ENAH: variants seen among roughly 807,000 people sequenced by gnomAD.
ENAH encodes ENAH actin regulator, also known as protein enabled homolog.
ENAH carries 23 observed loss-of-function variants against 78.7 expected under a neutral mutation model. The ratio of observed to expected loss-of-function variants is 0.29; its 90% CI spans 0.21 to 0.41. ENAH has a LOEUF of 0.41. ENAH is among the 10% of genes least tolerant of loss of function. The pLI is 1.00. For synonymous variants in ENAH, 226 were observed against 241.0 expected, an observed-to-expected ratio of 0.94 and a Z score of 0.58; for missense variants, 544 against 691.0, an observed-to-expected ratio of 0.79 and a Z score of 2.39.
intron 1 of ENAH, among the ~76,000 whole-genome samples, chr1:225,615,539 G>GCCAC (rs2097023069): frequency 6.6e-6 from 1 of 150,828 alleles, no homozygotes; most frequent in African/African-American, 2.4e-5. Flanking sequence ...CTTCCCGGCC[G>GCCAC]CCCAGTCTGG....
At chr1:225,586,241 C>CAAAA (rs34817622) in intron 1 of ENAH, among the ~76,000 whole-genome samples, 2 of 100,600 alleles carry the variant, frequency 2.0e-5, no homozygotes, top group South Asian at 8.7e-4. Context: ...GAGACAAGCT[C>CAAAA]AAAAAAAAAA....
In ENAH at chr1:225,551,032, A is replaced by G. The variant is rs17502040; in HGVS notation, c.349+3874T>C. Among the ~76,000 whole-genome samples the G allele has an allele frequency of 8.4e-3, 1,278 of 152,322 alleles. 11 individuals carry two copies. The highest frequency in any genetic ancestry group is 0.011 in the Non-Finnish European group (719 of 68,016). ...CCATAACTATTACCTATAAAAATCT[A>G]TAAATGTACTGGATAAATAATAGAG... On this transcript the variant is annotated intron_variant, in intron 3 of 13. Coordinates refer to ENST00000366843, the MANE Select transcript of ENAH (RefSeq NM_018212.6).
chr1:225,548,847 ATT>A (rs11392563), intron 3 of ENAH, among the ~76,000 whole-genome samples: 12 of 139,330 alleles, frequency 8.6e-5, no homozygotes, highest in Non-Finnish European at 7.7e-5. Context: ...TAGTGAACAG[ATT>A]TTTTTTTTTT....
rs1025672414 is a variant in ENAH at position 225,579,417 on chromosome 1, C to T, written c.6-12003G>A. ...CTGAAGATACAATGTTAACCTATAA[C>T]AAAAACATGTCTAGAATATCAGATT... is the stretch of plus-strand genomic sequence containing the variant. On this transcript the variant is annotated intron_variant, in intron 1 of 13. Coordinates refer to ENST00000366843, the MANE Select transcript of ENAH (RefSeq NM_018212.6). Among the ~76,000 whole-genome samples the T allele has an allele frequency of 3.9e-5, 6 of 152,234 alleles. No individual in the cohort carries two copies. The South Asian group carries it at 1.0e-3, about 26-fold the overall frequency.
At chr1:225,609,038 A>G (rs1303386421) in intron 1 of ENAH, among the ~76,000 whole-genome samples, 1 of 152,108 alleles carries the variant, frequency 6.6e-6, no homozygotes, top group Non-Finnish European at 1.5e-5. Flanking sequence ...TTTGCTTCCC[A>G]TGCTTTATTT....
intron 3 of ENAH, among the ~76,000 whole-genome samples, chr1:225,543,965 G>A (rs1447820953): frequency 1.3e-5 from 2 of 152,100 alleles, no homozygotes; most frequent in Non-Finnish European, 2.9e-5. Context: ...GCACATGGGC[G>A]ACCTGACAGG....
At chr1:225,584,031 T>C (rs1171373944) in intron 1 of ENAH, among the ~76,000 whole-genome samples, 3 of 151,718 alleles carry the variant, frequency 2.0e-5, no homozygotes, top group Non-Finnish European at 2.9e-5. Flanking sequence ...TGCACACCTG[T>C]AATCCCAGCT....
At chr1:225,509,289 T>C (rs1424851551) in intron 10 of ENAH, among the ~76,000 whole-genome samples, 2 of 151,862 alleles carry the variant, frequency 1.3e-5, no homozygotes, top group East Asian at 3.9e-4. Flanking sequence ...AAGGGAACGG[T>C]CATCGGACAC....
chr1:225,580,690 G>C (rs974973334), intron 1 of ENAH, among the ~76,000 whole-genome samples: 1 of 151,910 alleles, frequency 6.6e-6, no homozygotes, highest in Non-Finnish European at 1.5e-5. Context: ...GGCCAAGGTG[G>C]GTGGATCATT....
intron 4 of ENAH, among the ~76,000 whole-genome samples, chr1:225,530,322 C>T (rs1291254874): frequency 1.3e-5 from 2 of 151,846 alleles, no homozygotes. Flanking sequence ...TTAAACATAC[C>T]TTAAGTATAA....
chr1:225,534,517 A>C lies in ENAH; in HGVS notation c.350-3879T>G, dbSNP rs1009839658. 4.6e-5 allele frequency among the ~76,000 whole-genome samples: 7 copies of C among 152,256 alleles called. No homozygotes were observed. In the East Asian group the frequency reaches 7.7e-4, roughly 17 times the overall value. ...TAATTCTCTTCATAGGTAAAAAAAA[A>C]CAGTATCATTAGTATTGAGGAGTCA... On this transcript the variant is annotated intron_variant, in intron 3 of 13. Coordinates refer to ENST00000366843, the MANE Select transcript of ENAH (RefSeq NM_018212.6).
chr1:225,537,552 C>T (rs371313064), intron 3 of ENAH, among the ~76,000 whole-genome samples: 1 of 152,158 alleles, frequency 6.6e-6, no homozygotes, highest in Admixed American at 6.5e-5. Flanking sequence ...ACTCTTTCTT[C>T]ATTCAGTCAG....
chr1:225,506,463 C>T (rs964368364), intron 11 of ENAH, among the ~76,000 whole-genome samples: 2 of 152,330 alleles, frequency 1.3e-5, no homozygotes, highest in East Asian at 3.9e-4. Context: ...GCTGGGATTA[C>T]AGGCATGAGC....
At chr1:225,629,392 C>G (rs1658574420) in intron 1 of ENAH, among the ~76,000 whole-genome samples, 1 of 152,092 alleles carries the variant, frequency 6.6e-6, no homozygotes, top group South Asian at 2.1e-4. Context: ...TCGTGACCAG[C>G]CTGGCCAACA....
At chr1:225,598,783 G>A (rs2096915441) in intron 1 of ENAH, among the ~76,000 whole-genome samples, 1 of 151,832 alleles carries the variant, frequency 6.6e-6, no homozygotes, top group Non-Finnish European at 1.5e-5. Context: ...ATAGAAGAAT[G>A]GCAGCTAACA....
At chr1:225,631,043 T>G (rs940483910) in intron 1 of ENAH, among the ~76,000 whole-genome samples, 2 of 152,196 alleles carry the variant, frequency 1.3e-5, no homozygotes, top group African/African-American at 4.8e-5. Flanking sequence ...CAACAAAATT[T>G]TTTAAATGCT....
chr1:225,652,598 G>T (rs888314821), intron 1 of ENAH, 88 bp downstream of exon 1: 5 of 1,201,294 alleles, frequency 4.2e-6, no homozygotes, highest in Non-Finnish European at 4.2e-6. Flanking sequence ...GCCGGGCCGG[G>T]AGAGGGAAGG....
At chr1:225,633,633 A>G (rs1403304059) in intron 1 of ENAH, among the ~76,000 whole-genome samples, 1 of 152,222 alleles carries the variant, frequency 6.6e-6, no homozygotes, top group African/African-American at 2.4e-5. Flanking sequence ...GGTTTCCTAC[A>G]CTGTAAAACA....
intron 4 of ENAH, among the ~76,000 whole-genome samples, chr1:225,523,633 A>G (rs1340120241): frequency 6.6e-6 from 1 of 152,106 alleles, no homozygotes; most frequent in African/African-American, 2.4e-5. Context: ...AAAGATGCCC[A>G]TCTAAACGGA....
Sources: allele counts gnomAD v4.1 joint callset (sites outside exome capture counted in the v4.1 genomes callset), GRCh38; gene constraint gnomAD v4.1.1; transcripts MANE v1.5; gene names NCBI Gene and HGNC (gene_info 2026-07-23, HGNC 2026-07-21).